Variants in FRMD6 observed in about 807,000 individuals in gnomAD.
FRMD6 encodes the protein FERM domain containing 6.
A neutral mutation model predicts 73.2 loss-of-function variants in FRMD6; 37 were observed. The observed-to-expected ratio is 0.51, with a 90% CI of 0.39 to 0.66. The LOEUF (loss-of-function observed/expected upper bound fraction) is 0.66. Ranked by LOEUF, FRMD6 falls within the 30% of genes least tolerant of loss-of-function variation. The pLI is 0.00. For synonymous variants in FRMD6, 273 were observed against 282.2 expected (o/e 0.97, Z 0.33); for missense variants, 714 against 780.5 (o/e 0.91, Z 1.02).
At chr14:51,658,348 TA>T (rs1224133828) in intron 1 of FRMD6, among the ~76,000 whole-genome samples, 3 of 152,092 alleles carry the variant, frequency 2.0e-5, no homozygotes, top group Non-Finnish European at 4.4e-5. Flanking sequence ...CTCTCACTTC[TA>T]GGGCTTCCTA....
At chr14:51,539,347 C>T (rs1014347725) in intron 1 of FRMD6, among the ~76,000 whole-genome samples, 1 of 152,110 alleles carries the variant, frequency 6.6e-6, no homozygotes. Flanking sequence ...TTTACCTTAG[C>T]TTATGAGCTC....
At chr14:51,515,817 C>T (rs1884602041) in intron 1 of FRMD6, among the ~76,000 whole-genome samples, 1 of 152,002 alleles carries the variant, frequency 6.6e-6, no homozygotes, top group Non-Finnish European at 1.5e-5. Flanking sequence ...TTCATTAACT[C>T]GGAGTACAAT....
At chr14:51,402,830 G>A in the FRMD6 span, among the ~76,000 whole-genome samples, 9 of 152,002 alleles carry the variant, frequency 5.9e-5, no homozygotes, top group South Asian at 1.0e-3. Context: ...AGTAGAGATG[G>A]GGTTTCACCC....
At chr14:51,494,181 G>A (rs530050597) in intron 1 of FRMD6, among the ~76,000 whole-genome samples, 18 of 152,052 alleles carry the variant, frequency 1.2e-4, no homozygotes, top group African/African-American at 1.9e-4. Context: ...TCCCAATAGC[G>A]CCAAGAGTCT....
At chr14:51,564,279 G>A (rs1180380263) in intron 1 of FRMD6, among the ~76,000 whole-genome samples, 1 of 152,146 alleles carries the variant, frequency 6.6e-6, no homozygotes, top group Admixed American at 6.5e-5. Context: ...AAATGCATTC[G>A]TGTTGCTGTC....
At position 51,541,156 on chromosome 14, in the gene FRMD6, A is replaced by G. The variant is rs574799187; in HGVS notation, c.-209-29192A>G. On this transcript the variant is annotated intron_variant, in intron 1 of 14. Coordinates refer to the FRMD6 transcript ENST00000356218. Reference sequence around the variant, plus strand: ...ATAGGCAAGTTTCCAGTTGCTTCCTAACAATATTGCCTGGGACAAAATAGA... The same window carrying G: ...ATAGGCAAGTTTCCAGTTGCTTCCTGACAATATTGCCTGGGACAAAATAGA... Among the ~76,000 whole-genome samples the G allele has an allele frequency of 3.0e-4, 46 of 152,228 alleles. No homozygotes were observed. The South Asian group carries it at 5.4e-3, about 18-fold the overall frequency.
intron 1 of FRMD6, among the ~76,000 whole-genome samples, chr14:51,656,088 T>G (rs1489844219): frequency 1.3e-5 from 2 of 152,222 alleles, no homozygotes; most frequent in African/African-American, 4.8e-5. Flanking sequence ...AAGTTTTAGG[T>G]AGAAACAAGC....
chr14:51,626,643 T>C (rs1891127733), intron 2 of FRMD6, among the ~76,000 whole-genome samples: 1 of 152,132 alleles, frequency 6.6e-6, no homozygotes, highest in African/African-American at 2.4e-5. Context: ...TTGAAGAATA[T>C]TTATTATCAT....
At chr14:51,618,138 C>T (rs964577029) in intron 2 of FRMD6, among the ~76,000 whole-genome samples, 6 of 152,124 alleles carry the variant, frequency 3.9e-5, no homozygotes, top group South Asian at 4.1e-4. Context: ...GTGAGAATAA[C>T]AATTACTTTC....
At chr14:51,575,371 C>G (rs1326086574) in intron 2 of FRMD6, among the ~76,000 whole-genome samples, 1 of 152,194 alleles carries the variant, frequency 6.6e-6, no homozygotes, top group African/African-American at 2.4e-5. Context: ...AGAGCCTTGT[C>G]TGTGCTCCCT....
chr14:51,706,633 A>G (rs1420868004), intron 6 of FRMD6, among the ~76,000 whole-genome samples: 1 of 151,712 alleles, frequency 6.6e-6, no homozygotes, highest in Non-Finnish European at 1.5e-5. Flanking sequence ...TCTCTGTTTC[A>G]CCTGGCTAAC....
At chr14:51,585,961 A>ATAT (rs1555324347) in intron 2 of FRMD6, among the ~76,000 whole-genome samples, 11 of 56,276 alleles carry the variant, frequency 2.0e-4, no homozygotes, top group South Asian at 1.1e-3. Flanking sequence ...ATATATATAT[A>ATAT]ACATTTTCTT....
the FRMD6 span, among the ~76,000 whole-genome samples, chr14:51,413,962 G>C: frequency 4.9e-4 from 75 of 152,246 alleles, 1 homozygote; most frequent in Admixed American, 3.5e-3. Context: ...GTCTTCTTTT[G>C]AGAAGTGTCT....
intron 1 of FRMD6, among the ~76,000 whole-genome samples, chr14:51,656,905 G>C (rs1320967467): frequency 6.6e-6 from 1 of 152,068 alleles, no homozygotes; most frequent in Non-Finnish European, 1.5e-5. Context: ...CCTCTTGGGG[G>C]TGTTTTCAGA....
chr14:51,585,289 A>G (rs1888962359), intron 2 of FRMD6, among the ~76,000 whole-genome samples: 2 of 152,134 alleles, frequency 1.3e-5, no homozygotes, highest in South Asian at 4.2e-4. Context: ...ACCATCTTTC[A>G]CCTTCATACA....
At chr14:51,623,265 AGAAAT>A (rs1890997146) in intron 2 of FRMD6, among the ~76,000 whole-genome samples, 1 of 152,240 alleles carries the variant, frequency 6.6e-6, no homozygotes, top group Non-Finnish European at 1.5e-5. Context: ...TCATATGTTA[AGAAAT>A]GAAATGAGAT....
chr14:51,549,957 G>C lies in FRMD6; in HGVS notation c.-209-20391G>C, dbSNP rs566037240. Among the ~76,000 whole-genome samples the C allele has an allele frequency of 2.0e-5, 3 of 152,290 alleles. No individual in the cohort carries two copies. In the East Asian group the frequency reaches 5.8e-4, roughly 29 times the overall value. On this transcript the variant is annotated intron_variant, in intron 1 of 14. Transcript: ENST00000356218. ...TGCAACATTGACTCCCCTGCCCCCA[G>C]CACATGTCCGCTAACCTAAACCAAT...
intron 2 of FRMD6, among the ~76,000 whole-genome samples, chr14:51,612,903 A>G (rs1197538499): frequency 1.3e-5 from 2 of 152,230 alleles, no homozygotes; most frequent in Admixed American, 6.5e-5. Context: ...AAAAAGTGCT[A>G]TAAGAGTCCA....
chr14:51,433,855 C>A, the FRMD6 span, among the ~76,000 whole-genome samples: 2 of 152,288 alleles, frequency 1.3e-5, no homozygotes, highest in Middle Eastern at 3.4e-3. Context: ...AAATAGAACA[C>A]AACAGTAAGA....
Sources: gnomAD v4.1 joint callset for allele counts (sites outside exome capture counted in the v4.1 genomes callset) on GRCh38, gnomAD v4.1.1 for gene constraint, MANE v1.5 for transcripts, NCBI Gene and HGNC (gene_info 2026-07-23, HGNC 2026-07-21) for gene names.